The following SNF8 variants were observed in gnomAD, a reference collection of about 807,000 sequenced individuals.
SNF8 encodes the protein SNF8 subunit of ESCRT-II.
A neutral mutation model predicts 36.8 loss-of-function variants in SNF8; 19 were observed. The ratio of observed to expected loss-of-function variants is 0.52; its 90% CI spans 0.36 to 0.76. The LOEUF is 0.76. Among genes scored for constraint, SNF8 ranks in the 30% least tolerant of loss-of-function variants. The pLI is 0.00. For missense variants in SNF8, 268 were observed against 322.9 expected, an observed-to-expected ratio of 0.83 and a Z score of 1.30; for synonymous variants, 127 against 127.4, an observed-to-expected ratio of 1.00 and a Z score of 0.02.
intron 3 of SNF8, among the ~76,000 whole-genome samples, chr17:48,938,322 C>T (rs2040966079): frequency 6.6e-6 from 1 of 151,482 alleles, no homozygotes. Flanking sequence ...CATGGAGACA[C>T]CCCGTCTCTA....
chr17:48,941,288 A>T (rs2041019652), intron 2 of SNF8, among the ~76,000 whole-genome samples: 1 of 151,928 alleles, frequency 6.6e-6, no homozygotes, highest in Non-Finnish European at 1.5e-5. Context: ...AAAATACACA[A>T]TTTTTCATGT....
intron 6 of SNF8, 76 bp from the exon 7 acceptor site, chr17:48,931,793 A>T: frequency 1.8e-6 from 2 of 1,142,270 alleles, no homozygotes; most frequent in Admixed American, 4.1e-5. Flanking sequence ...GCCCAGGAAC[A>T]AGAGACTTAC....
At chr17:48,933,094 GAT>G in intron 6 of SNF8, 109 bp downstream of exon 6, 1 of 1,186,074 alleles carries the variant, frequency 8.4e-7, no homozygotes, top group Admixed American at 2.1e-5. Context: ...TCATCCACTG[GAT>G]AGTCTCAGCA....
At position 48,931,731 on chromosome 17, in the gene SNF8, G is replaced by GA; in HGVS notation, c.565-15dup. ...GTAGCCATTCTTCTGAAGGAAGGAG[G>GA]AATGGGGATTGAATCAGTTAAGAGT... On this transcript the variant is annotated splice_polypyrimidine_tract_variant and intron_variant, in intron 6 of 7. Coordinates refer to ENST00000502492, the MANE Select transcript of SNF8 (RefSeq NM_007241.4). The GA allele has an allele frequency of 6.2e-7, 1 of 1,609,420 alleles. No individual in the cohort carries two copies.
intron 3 of SNF8, among the ~76,000 whole-genome samples, chr17:48,939,078 G>A (rs887914498): frequency 3.3e-5 from 5 of 150,146 alleles, no homozygotes; most frequent in African/African-American, 1.2e-4. Flanking sequence ...CCAAGATGGT[G>A]AAACTCCGTC....
chr17:48,943,890 C>A, intron 2 of SNF8, 35 bp downstream of exon 2: 2 of 1,602,046 alleles, frequency 1.2e-6, no homozygotes, highest in South Asian at 2.2e-5. Flanking sequence ...CTGGTTAGGT[C>A]TCCCTCCCTG....
At chr17:48,930,717 A>T (rs1344569425) in intron 7 of SNF8, 105 bp from the exon 8 acceptor site, 1 of 1,207,644 alleles carries the variant, frequency 8.3e-7, no homozygotes, top group African/African-American at 1.5e-5. Context: ...GAGGTTTTCA[A>T]ACTAAATCTA....
At position 48,930,332 on chromosome 17, in the gene SNF8, G is replaced by A; in HGVS notation, c.*143C>T. 1.1e-6 allele frequency: 1 copy of A among 900,154 alleles called. No individual in the cohort carries two copies. Among genetic ancestry groups the A allele is most frequent in the Non-Finnish European group, 1.6e-6 (1 of 634,694 alleles). The allele number at this position is 900,154 out of a possible 1,614,324, so 55.8% of individuals were successfully genotyped here. On this transcript the variant is annotated 3_prime_UTR_variant, in exon 8 of 8. Transcript: ENST00000502492. ...TCCTCCAATAAAAATGCAACGTGAA[G>A]GCACTTTTCAAAAATAAAAGAATGA...
At chr17:48,933,378 T>C (rs1376971620) in intron 5 of SNF8, 32 bp from the exon 6 acceptor site, 7 of 1,613,548 alleles carry the variant, frequency 4.3e-6, no homozygotes, top group Non-Finnish European at 5.9e-6. Context: ...TAACGACCCT[T>C]GGCAGAATCA....
intron 1 of SNF8, 106 bp downstream of exon 1, chr17:48,944,575 T>C: frequency 2.4e-6 from 3 of 1,263,210 alleles, no homozygotes; most frequent in Non-Finnish European, 3.4e-6. Context: ...GAGAAGCCAG[T>C]CTCAGATTCT....
At chr17:48,933,715 G>A (rs891933132) in intron 5 of SNF8, 19 of 185,104 alleles carry the variant, frequency 1.0e-4, no homozygotes, top group Non-Finnish European at 1.6e-4. Flanking sequence ...CAGCCTGGGT[G>A]ACAGAGCGAG....
chr17:48,936,167 T>G lies in SNF8; in HGVS notation c.422+3A>C, dbSNP rs1239166945. 3 of 1,611,542 alleles carry G rather than the reference T, an allele frequency of 1.9e-6. No homozygotes were observed. The African/African-American group carries it at 4.0e-5, about 22-fold the overall frequency. The stretch of plus-strand genomic sequence containing the variant: ...CTCCAAGGGATTGGAAGACAAGACC[T>G]ACTGACTGACATCCTGGGCGAACTT... On this transcript the variant is annotated splice_donor_region_variant and intron_variant, in intron 5 of 7. Coordinates refer to ENST00000502492, the MANE Select transcript of SNF8 (RefSeq NM_007241.4).
At chr17:48,937,787 G>A (rs541922030) in intron 3 of SNF8, among the ~76,000 whole-genome samples, 62 of 152,034 alleles carry the variant, frequency 4.1e-4, no homozygotes, top group African/African-American at 1.2e-3. Flanking sequence ...TTAGCCGGGC[G>A]TGGTGGCGCG....
At chr17:48,941,636 GAGCTCA>G (rs1420697205) in intron 2 of SNF8, among the ~76,000 whole-genome samples, 1 of 152,046 alleles carries the variant, frequency 6.6e-6, no homozygotes, top group Non-Finnish European at 1.5e-5. Context: ...TTGAGCCCAG[GAGCTCA>G]AGATTAGCTG....
In SNF8 at chr17:48,930,541, T is replaced by G. The variant is rs1598081648; in HGVS notation, c.711A>C (p.Pro237=). ...QAPGEAHYWL[P]ALFTDLYSQE... ...GGGAGTAGAGGTCAGTGAAGAGAGC[T>G]GGCAGCCAGTAGTGGGCCTCCCCTG... is the stretch of plus-strand genomic sequence containing the variant. Residue 237 remains proline (P), a synonymous_variant, in exon 8 of 8, where the codon CCA becomes CCC. Transcript: ENST00000502492. 1 of 1,613,320 alleles carries G rather than the reference T, an allele frequency of 6.2e-7. No homozygotes were observed. The highest frequency in any genetic ancestry group is 8.5e-7 in the Non-Finnish European group (1 of 1,179,974).
chr17:48,936,268 C>A (rs1458531397), intron 4 of SNF8, 26 bp from the exon 5 acceptor site: 1 of 1,576,930 alleles, frequency 6.3e-7, no homozygotes, highest in South Asian at 1.1e-5. Flanking sequence ...GAACAGAAAT[C>A]AGAAAAAGAG....
chr17:48,936,337 A>G (rs2040933833), intron 4 of SNF8, 95 bp from the exon 5 acceptor site: 1 of 899,834 alleles, frequency 1.1e-6, no homozygotes, highest in South Asian at 1.5e-5. Flanking sequence ...CAAGTAGCAA[A>G]TAACATTCTA....
At position 48,936,210 on chromosome 17, in the gene SNF8, C is replaced by T; in HGVS notation, c.382G>A (p.Val128Met). ...LITLEELHQQ[V>M]LKGRGKFAQD... ...GCGAACTTGCCCCTTCCCTTCAACACCTGTTGATGTAGTTCCTCCAAAGTT... is the reference window on the plus strand; with the variant it reads ...GCGAACTTGCCCCTTCCCTTCAACATCTGTTGATGTAGTTCCTCCAAAGTT... The change falls in exon 5 of 8, where the codon GTG (valine) becomes ATG (methionine). Residue 128 changes from valine to methionine, a missense_variant. Physicochemically the swap from Val to Met is conservative, Grantham distance 21. Coordinates refer to ENST00000502492, the MANE Select transcript of SNF8 (RefSeq NM_007241.4). 2 of 1,614,018 alleles carry T rather than the reference C, an allele frequency of 1.2e-6. No homozygotes were observed. The highest frequency in any genetic ancestry group is 1.7e-6 in the Non-Finnish European group (2 of 1,179,908).
intron 6 of SNF8, 66 bp from the exon 7 acceptor site, chr17:48,931,783 G>T: frequency 7.7e-7 from 1 of 1,295,312 alleles, no homozygotes; most frequent in Non-Finnish European, 1.1e-6. Context: ...CCCAGGATCT[G>T]CCCAGGAACA....
Sources: gnomAD v4.1 joint callset for allele counts (sites outside exome capture counted in the v4.1 genomes callset) on GRCh38, gnomAD v4.1.1 for gene constraint, MANE v1.5 for transcripts, NCBI Gene and HGNC (gene_info 2026-07-23, HGNC 2026-07-21) for gene names.